Variants in FRMPD1 observed in about 807,000 individuals in gnomAD.
The protein encoded by FRMPD1 is FERM and PDZ domain-containing protein 1.
Under a neutral mutation model 117.8 loss-of-function variants are expected in FRMPD1, and 76 were observed. That is an observed-to-expected ratio of 0.65 (90% CI 0.54 to 0.78). The LOEUF (loss-of-function observed/expected upper bound fraction) is 0.78, where lower values mean the gene tolerates loss of function less well. Among genes scored for constraint, FRMPD1 ranks in the 30% least tolerant of loss-of-function variants. FRMPD1 has a pLI of 0.00. For synonymous variants in FRMPD1, 783 were observed against 770.4 expected, an observed-to-expected ratio of 1.02 and a Z score of -0.27; for missense variants, 1,786 against 1,964.5, an observed-to-expected ratio of 0.91 and a Z score of 1.72.
chr9:37,669,327 A>G (rs1821269826), intron 1 of FRMPD1, among the ~76,000 whole-genome samples: 1 of 152,210 alleles, frequency 6.6e-6, no homozygotes, highest in South Asian at 2.1e-4. Flanking sequence ...TTCTTCAAGT[A>G]TGGTCCCCAC....
chr9:37,678,604 T>G lies in FRMPD1; in HGVS notation c.-4-14034T>G, dbSNP rs575973265. Among the ~76,000 whole-genome samples the G allele has an allele frequency of 7.2e-5, 11 of 152,292 alleles. No homozygotes were observed. The South Asian group carries it at 2.3e-3, about 32-fold the overall frequency. Reference sequence around the variant, plus strand: ...AGTCTTAATTTCCTTTTTTGTTCATTGTTTCTTGTCTAGTGAGAACCTGTA... The same window carrying G: ...AGTCTTAATTTCCTTTTTTGTTCATGGTTTCTTGTCTAGTGAGAACCTGTA... On this transcript the variant is annotated intron_variant, in intron 1 of 15. Transcript: ENST00000377765.
the FRMPD1 span, among the ~76,000 whole-genome samples, chr9:37,608,264 A>G: frequency 6.6e-6 from 1 of 152,238 alleles, no homozygotes; most frequent in Non-Finnish European, 1.5e-5. Context: ...TTTAAGAAAC[A>G]TGGCATAACT....
intron 1 of FRMPD1, among the ~76,000 whole-genome samples, chr9:37,692,271 C>T (rs577229112): frequency 1.4e-4 from 21 of 152,284 alleles, no homozygotes; most frequent in Admixed American, 2.6e-4. Context: ...AAAACTGAAC[C>T]GCATTGTCCA....
intron 1 of FRMPD1, among the ~76,000 whole-genome samples, chr9:37,656,259 A>T (rs1820840327): frequency 6.6e-6 from 1 of 152,172 alleles, no homozygotes; most frequent in South Asian, 2.1e-4. Flanking sequence ...TAGGGGTTGC[A>T]TATGGTTGTC....
the FRMPD1 span, chr9:37,637,303 G>A: frequency 1.1e-5 from 15 of 1,341,784 alleles, no homozygotes; most frequent in Middle Eastern, 9.5e-4. Flanking sequence ...TGGCGGCGGC[G>A]GAAGCCCGCT....
At chr9:37,656,383 C>T (rs1233005354) in intron 1 of FRMPD1, among the ~76,000 whole-genome samples, 1 of 152,108 alleles carries the variant, frequency 6.6e-6, no homozygotes, top group Non-Finnish European at 1.5e-5. Context: ...TTTCAGTGTG[C>T]CTATTTTAAA....
In FRMPD1 at chr9:37,746,615, T is replaced by A. The variant is rs745575224; in HGVS notation, c.4583T>A (p.Val1528Glu). 9 of 1,613,938 alleles carry A rather than the reference T, an allele frequency of 5.6e-6. No homozygotes were observed. Among genetic ancestry groups the A allele is most frequent in the African/African-American group, 1.3e-5 (1 of 74,932 alleles). Reference sequence around the variant, plus strand: ...GCAGCGGGGAACCTGAGGGATGTGGTGTACACCTACCATCAGTTTATAGAG... The same window carrying A: ...GCAGCGGGGAACCTGAGGGATGTGGAGTACACCTACCATCAGTTTATAGAG... The part of the protein sequence containing the change: ...REAAGNLRDV[V>E]YTYHQFIEAA... Residue 1528 changes from valine to glutamate, a missense_variant, in exon 16 of 16, where the codon GTG becomes GAG. By Grantham distance (121) the Val-to-Glu change is moderately radical (BLOSUM62 -2). Coordinates refer to ENST00000377765, the MANE Select transcript of FRMPD1 (RefSeq NM_014907.3).
chr9:37,720,292 T>A (rs1479830343), intron 6 of FRMPD1, among the ~76,000 whole-genome samples: 1 of 152,210 alleles, frequency 6.6e-6, no homozygotes, highest in Non-Finnish European at 1.5e-5. Context: ...AAATTAAGTT[T>A]AGATTCTGCT....
chr9:37,665,317 G>A (rs1821128506), intron 1 of FRMPD1, among the ~76,000 whole-genome samples: 1 of 152,182 alleles, frequency 6.6e-6, no homozygotes, highest in East Asian at 1.9e-4. Context: ...CCAGCCACAT[G>A]TATTACTTTT....
At chr9:37,699,843 A>C (rs1020058223) in intron 2 of FRMPD1, among the ~76,000 whole-genome samples, 1 of 152,156 alleles carries the variant, frequency 6.6e-6, no homozygotes, top group Admixed American at 6.5e-5. Context: ...ACATGCATAC[A>C]TGTGTACACA....
At chr9:37,650,683 C>G (rs1449231573), upstream of FRMPD1, among the ~76,000 whole-genome samples, 1 of 152,128 alleles carries the variant, frequency 6.6e-6, no homozygotes, top group African/African-American at 2.4e-5. Context: ...GCCTCAGTCT[C>G]CCCCCTGGGT....
At chr9:37,741,267 G>C (rs1403275314) in intron 15 of FRMPD1, among the ~76,000 whole-genome samples, 1 of 152,006 alleles carries the variant, frequency 6.6e-6, no homozygotes, top group Non-Finnish European at 1.5e-5. Flanking sequence ...CATTAAAGGA[G>C]GCCTTGAAGC....
intron 15 of FRMPD1, among the ~76,000 whole-genome samples, chr9:37,743,941 T>C (rs1043811499): frequency 3.3e-5 from 5 of 150,674 alleles, no homozygotes; most frequent in African/African-American, 1.2e-4. Flanking sequence ...GGCTCATGCC[T>C]GTAATCCCAG....
intron 2 of FRMPD1, among the ~76,000 whole-genome samples, chr9:37,696,891 T>C (rs983360389): frequency 2.6e-5 from 4 of 152,244 alleles, no homozygotes; most frequent in African/African-American, 9.6e-5. Flanking sequence ...TTAAACTCTA[T>C]CTGTGGCTCT....
At chr9:37,646,120 G>T (rs558778784), upstream of FRMPD1, among the ~76,000 whole-genome samples, 3 of 152,150 alleles carry the variant, frequency 2.0e-5, no homozygotes, top group African/African-American at 4.8e-5. Context: ...TAACCCTCTC[G>T]CAGTACTCCA....
At chr9:37,671,276 C>G (rs1441335822) in intron 1 of FRMPD1, among the ~76,000 whole-genome samples, 1 of 152,168 alleles carries the variant, frequency 6.6e-6, no homozygotes, top group Non-Finnish European at 1.5e-5. Context: ...TGCCTTATTT[C>G]AGTGGTGGCT....
intron 2 of FRMPD1, among the ~76,000 whole-genome samples, chr9:37,699,884 T>C (rs1822472188): frequency 6.6e-6 from 1 of 151,962 alleles, no homozygotes; most frequent in South Asian, 2.1e-4. Context: ...GGCACACACA[T>C]GCACATGTAT....
At chr9:37,698,245 G>A (rs1822396820) in intron 2 of FRMPD1, among the ~76,000 whole-genome samples, 1 of 152,196 alleles carries the variant, frequency 6.6e-6, no homozygotes, top group Non-Finnish European at 1.5e-5. Flanking sequence ...AGCTTAAAAT[G>A]TTTATATTTA....
chr9:37,663,720 C>T (rs892842287), intron 1 of FRMPD1, among the ~76,000 whole-genome samples: 2 of 152,154 alleles, frequency 1.3e-5, no homozygotes, highest in African/African-American at 2.4e-5. Context: ...CAGGACCCCA[C>T]TGCAGATAAG....
Sources: allele counts gnomAD v4.1 joint callset (sites outside exome capture counted in the v4.1 genomes callset), GRCh38; gene constraint gnomAD v4.1.1; transcripts MANE v1.5; gene names NCBI Gene and HGNC (gene_info 2026-07-23, HGNC 2026-07-21).